The following MTREX variants were observed in gnomAD, a reference collection of about 807,000 sequenced individuals.
MTREX encodes the protein Mtr4 exosome RNA helicase.
In MTREX, 76 loss-of-function variants were observed where a neutral mutation model predicts 135.4. That is an observed-to-expected ratio of 0.56 (90% CI 0.47 to 0.68). MTREX has a LOEUF of 0.68. Among genes scored for constraint, MTREX ranks in the 30% least tolerant of loss-of-function variants. The probability of loss-of-function intolerance (pLI) is 0.00; values close to 1 mark genes in which losing one functional copy is unlikely to be tolerated. For synonymous variants in MTREX, 404 were observed against 401.6 expected (o/e 1.01, Z -0.07); for missense variants, 920 against 1,262.1 (o/e 0.73, Z 4.11).
rs1013466863 is a variant in MTREX at position 55,343,600 on chromosome 5, G to A, written c.906+145G>A. On this transcript the variant is annotated intron_variant, in intron 8 of 26. Transcript: ENST00000230640. ...GGTAAACTGCTTCTCAAATCAAGCA[G>A]CTTATCAAAATCAACTGACTGACTT... is the stretch of plus-strand genomic sequence containing the variant. 11 of 696,186 alleles carry A rather than the reference G, an allele frequency of 1.6e-5. No homozygotes were observed. In the South Asian group the frequency reaches 2.6e-4, roughly 16 times the overall value. 43.1% of individuals were successfully genotyped at this position (696,186 alleles called of 1,614,324 possible). A position where few individuals can be genotyped will look rare whatever the true frequency, so the allele number is the denominator to read the frequency against.
intron 18 of MTREX, among the ~76,000 whole-genome samples, chr5:55,386,761 G>A (rs1750487583): frequency 6.6e-6 from 1 of 152,064 alleles, no homozygotes; most frequent in Non-Finnish European, 1.5e-5. Context: ...ATACGCCTGT[G>A]GGGTTTTTTT....
At chr5:55,350,088 G>T (rs1318218023) in intron 12 of MTREX, among the ~76,000 whole-genome samples, 1 of 152,192 alleles carries the variant, frequency 6.6e-6, no homozygotes, top group African/African-American at 2.4e-5. Flanking sequence ...TCCAAAATAT[G>T]CTGATGCTTT....
intron 19 of MTREX, among the ~76,000 whole-genome samples, chr5:55,390,135 G>A (rs144438172): frequency 0.19 from 28,374 of 151,650 alleles, 2,729 homozygotes; most frequent in Admixed American, 0.19. Context: ...ATGGAGTCTC[G>A]CTCTGTCACC....
At chr5:55,423,229 G>C (rs887732059) in intron 26 of MTREX, 1 of 431,534 alleles carries the variant, frequency 2.3e-6, no homozygotes, top group Non-Finnish European at 4.1e-6. Flanking sequence ...AGCACTAGGG[G>C]ATATAGTGAA....
chr5:55,362,440 G>A (rs1010081473), intron 15 of MTREX, among the ~76,000 whole-genome samples: 4 of 151,494 alleles, frequency 2.6e-5, no homozygotes, highest in Non-Finnish European at 2.9e-5. Flanking sequence ...GGCTCACTGC[G>A]ACCTCCGCCT....
At chr5:55,367,274 C>A (rs1750119322) in intron 16 of MTREX, among the ~76,000 whole-genome samples, 1 of 152,024 alleles carries the variant, frequency 6.6e-6, no homozygotes, top group Admixed American at 6.6e-5. Context: ...ATCACGAGGT[C>A]AAGAGATCGA....
chr5:55,376,755 A>G (rs569072649), intron 16 of MTREX, among the ~76,000 whole-genome samples: 54 of 152,270 alleles, frequency 3.5e-4, no homozygotes, highest in African/African-American at 1.3e-3. Flanking sequence ...TTTTAAAAAG[A>G]AGGGAGGGTA....
Position 55,386,484 on chromosome 5 carries a change from A to C in MTREX, c.2053-1490A>C, listed in dbSNP as rs899408352. Among the ~76,000 whole-genome samples the C allele has an allele frequency of 4.0e-4, 61 of 152,138 alleles. 1 individual carries two copies. The highest frequency in any genetic ancestry group is 1.5e-4 in the Non-Finnish European group (10 of 67,984). Reference sequence around the variant, plus strand: ...TGAGAAAAAATTTATAATCTTAGGAAATACTTTTAACAGCAAAATTTTCAT... The same window carrying C: ...TGAGAAAAAATTTATAATCTTAGGACATACTTTTAACAGCAAAATTTTCAT... On this transcript the variant is annotated intron_variant, in intron 18 of 26. Transcript: ENST00000230640.
chr5:55,405,899 A>G (rs1579898143), intron 22 of MTREX, among the ~76,000 whole-genome samples: 1 of 152,214 alleles, frequency 6.6e-6, no homozygotes, highest in African/African-American at 2.4e-5. Context: ...CGCTCCTAGC[A>G]TTTGTATGTA....
At position 55,322,276 on chromosome 5, in the gene MTREX, T is replaced by TA. The variant is rs548730364; in HGVS notation, c.135-48dup. On this transcript the variant is annotated intron_variant, in intron 1 of 26. Coordinates refer to ENST00000230640, the MANE Select transcript of MTREX (RefSeq NM_015360.5). ...GAGCAGTATTTTATGATGTTGCCCT[T>TA]AAAGTAAAAGTGGATACTGCAGAAT... The TA allele has an allele frequency of 3.8e-5, 58 of 1,508,128 alleles. No individual in the cohort carries two copies. The East Asian group carries it at 1.3e-3, about 35-fold the overall frequency. 93.4% of individuals were successfully genotyped at this position (1,508,128 alleles called of 1,614,324 possible). A position where few individuals can be genotyped will look rare whatever the true frequency, so the allele number is the denominator to read the frequency against.
At chr5:55,412,743 C>T (rs918002437) in intron 23 of MTREX, among the ~76,000 whole-genome samples, 6 of 152,168 alleles carry the variant, frequency 3.9e-5, no homozygotes, top group African/African-American at 1.4e-4. Flanking sequence ...GGACTGGTGC[C>T]TTCCACCTAT....
At chr5:55,384,727 A>G (rs1198724393) in intron 18 of MTREX, among the ~76,000 whole-genome samples, 1 of 151,976 alleles carries the variant, frequency 6.6e-6, no homozygotes, top group Non-Finnish European at 1.5e-5. Flanking sequence ...TCTACCTCTT[A>G]CCCCCTATAG....
chr5:55,379,046 C>G (rs1256809148), intron 17 of MTREX, 81 bp from the exon 18 acceptor site: 4 of 889,666 alleles, frequency 4.5e-6, no homozygotes, highest in Non-Finnish European at 7.4e-6. Context: ...CTTTATTAGT[C>G]TAGAATGTAG....
chr5:55,422,565 TACAG>T lies in MTREX; in HGVS notation c.2972-309_2972-306del, dbSNP rs200841308. ...TGCCTGAGAGATACTGCCTGGTTCT[TACAG>T]ACACAGATTATGTCATCTTTGCAGC... On this transcript the variant is annotated intron_variant, in intron 25 of 26. Transcript: ENST00000230640. Among the ~76,000 whole-genome samples the T allele has an allele frequency of 2.8e-4, 42 of 152,314 alleles. No homozygotes were observed. In the East Asian group the frequency reaches 4.6e-3, roughly 17 times the overall value.
At chr5:55,370,912 T>C (rs774988960) in intron 16 of MTREX, among the ~76,000 whole-genome samples, 6 of 152,194 alleles carry the variant, frequency 3.9e-5, no homozygotes, top group Non-Finnish European at 7.3e-5. Context: ...GTAGAATTGG[T>C]AGAATGTTTT....
chr5:55,413,872 A>G (rs1750924221), intron 23 of MTREX, among the ~76,000 whole-genome samples: 1 of 152,206 alleles, frequency 6.6e-6, no homozygotes, highest in Non-Finnish European at 1.5e-5. Context: ...ACTACTATGT[A>G]TGTTTACAAT....
intron 14 of MTREX, among the ~76,000 whole-genome samples, chr5:55,358,056 G>T (rs987930638): frequency 6.6e-6 from 1 of 152,136 alleles, no homozygotes; most frequent in Non-Finnish European, 1.5e-5. Context: ...TGCTGTTTTC[G>T]CTGGGCGTGG....
chr5:55,338,983 G>C (rs1194566938), intron 5 of MTREX, among the ~76,000 whole-genome samples: 2 of 151,750 alleles, frequency 1.3e-5, no homozygotes, highest in African/African-American at 4.8e-5. Flanking sequence ...TAGAGACAGG[G>C]TTTCCCCATT....
intron 18 of MTREX, among the ~76,000 whole-genome samples, chr5:55,384,041 G>A (rs546899595): frequency 6.6e-6 from 1 of 152,258 alleles, no homozygotes; most frequent in African/African-American, 2.4e-5. Context: ...AAAGTCCTGG[G>A]ATTACATTTG....
Sources: allele counts gnomAD v4.1 joint callset (sites outside exome capture counted in the v4.1 genomes callset), GRCh38; gene constraint gnomAD v4.1.1; transcripts MANE v1.5; gene names NCBI Gene and HGNC (gene_info 2026-07-23, HGNC 2026-07-21).